The following CHL1 variants were observed in gnomAD, a reference collection of about 807,000 sequenced individuals.
CHL1 encodes the protein cell adhesion molecule L1 like, also known as neural cell adhesion molecule L1-like protein.
CHL1 carries 96 observed loss-of-function variants against 141.9 expected under a neutral mutation model. The ratio of observed to expected loss-of-function variants is 0.68; its 90% confidence interval spans 0.57 to 0.80. The LOEUF (loss-of-function observed/expected upper bound fraction) is 0.80. Among genes scored for constraint, CHL1 ranks in the 30% least tolerant of loss-of-function variants. The pLI, the probability that CHL1 is intolerant of heterozygous loss-of-function variation, is 0.00. For synonymous variants in CHL1, 613 were observed against 502.2 expected, an observed-to-expected ratio of 1.22 and a Z score of -2.95; for missense variants, 1,820 against 1,457.2, an observed-to-expected ratio of 1.25 and a Z score of -4.05.
chr3:359,255 TG>T (rs1703991576), intron 11 of CHL1, among the ~76,000 whole-genome samples: 1 of 151,944 alleles, frequency 6.6e-6, no homozygotes, highest in Non-Finnish European at 1.5e-5. Context: ...GTAGAGTTTT[TG>T]GTCCTTAAAT....
chr3:224,901 T>C (rs943029754), intron 1 of CHL1, among the ~76,000 whole-genome samples: 2 of 151,076 alleles, frequency 1.3e-5, no homozygotes, highest in African/African-American at 2.4e-5. Flanking sequence ...CTCAGGAGGC[T>C]GAGGCGTGCA....
intron 3 of CHL1, among the ~76,000 whole-genome samples, chr3:322,653 T>TATATATAATTATATATATATATAAA (rs1700678639): frequency 1.9e-5 from 2 of 104,572 alleles, no homozygotes; most frequent in African/African-American, 4.2e-5. Flanking sequence ...AAAATATATA[T>TATATATAATTATATATATATATAAA]ATATATATAT....
At chr3:198,722 G>A (rs546297721) in intron 1 of CHL1, among the ~76,000 whole-genome samples, 1 of 152,176 alleles carries the variant, frequency 6.6e-6, no homozygotes, top group East Asian at 1.9e-4. Context: ...TTAATCCTCA[G>A]TTTAATTACA....
At position 228,232 on chromosome 3, in the gene CHL1, G is replaced by T. The variant is rs138653491; in HGVS notation, c.-174-16381G>T. On this transcript the variant is annotated intron_variant, in intron 1 of 27. Coordinates refer to ENST00000256509, the MANE Select transcript of CHL1 (RefSeq NM_006614.4). ...CAATTAAGTGTGCAATGAAAACACA[G>T]GGGAATGTTTGAAGAATCTTTTATC... Among the ~76,000 whole-genome samples the T allele has an allele frequency of 7.2e-5, 11 of 152,282 alleles. No individual in the cohort carries two copies. The East Asian group carries it at 2.1e-3, about 29-fold the overall frequency.
Position 389,488 on chromosome 3 carries a change from C to G in CHL1, c.2470+14C>G. On this transcript the variant is annotated intron_variant, in intron 20 of 27. Coordinates refer to ENST00000256509, the MANE Select transcript of CHL1 (RefSeq NM_006614.4). The stretch of plus-strand genomic sequence containing the variant: ...CTGGAGAAGACTGTAAGTGATGCAC[C>G]TAAAACTGCTAAGCACGTCAGTAAC... 2 of 1,583,484 alleles carry G rather than the reference C, an allele frequency of 1.3e-6. No individual in the cohort carries two copies. Among genetic ancestry groups the G allele is most frequent in the South Asian group, 1.1e-5 (1 of 90,420 alleles).
intron 1 of CHL1, among the ~76,000 whole-genome samples, chr3:236,374 C>T (rs1399473786): frequency 6.6e-6 from 1 of 152,148 alleles, no homozygotes; most frequent in African/African-American, 2.4e-5. Context: ...CTGATATCAT[C>T]AATCAGCCCC....
intron 1 of CHL1, among the ~76,000 whole-genome samples, chr3:199,650 A>G (rs1575587265): frequency 6.6e-6 from 1 of 152,242 alleles, no homozygotes; most frequent in Non-Finnish European, 1.5e-5. Flanking sequence ...GGTGAACTTG[A>G]GGCAAGTAAA....
At chr3:368,012 A>G (rs1705127286) in intron 15 of CHL1, among the ~76,000 whole-genome samples, 1 of 152,064 alleles carries the variant, frequency 6.6e-6, no homozygotes, top group Non-Finnish European at 1.5e-5. Context: ...GGGCCTTGGT[A>G]TCGGTTTCAT....
intron 1 of CHL1, among the ~76,000 whole-genome samples, chr3:218,263 T>C (rs949178549): frequency 6.6e-6 from 1 of 152,218 alleles, no homozygotes; most frequent in Non-Finnish European, 1.5e-5. Flanking sequence ...CTGAATACTT[T>C]CTGCACTGAC....
intron 10 of CHL1, among the ~76,000 whole-genome samples, chr3:353,984 T>G (rs901039198): frequency 6.6e-6 from 1 of 152,316 alleles, no homozygotes; most frequent in Admixed American, 6.5e-5. Flanking sequence ...TGTAGTATTG[T>G]TACACTGGAG....
At chr3:234,063 A>T (rs1691680746) in intron 1 of CHL1, among the ~76,000 whole-genome samples, 1 of 152,118 alleles carries the variant, frequency 6.6e-6, no homozygotes, top group East Asian at 1.9e-4. Flanking sequence ...ATTCATACAC[A>T]TATCTGTATG....
intron 11 of CHL1, among the ~76,000 whole-genome samples, chr3:358,129 C>T (rs1053678932): frequency 6.6e-6 from 1 of 152,180 alleles, no homozygotes; most frequent in South Asian, 2.1e-4. Flanking sequence ...CACTATTTTA[C>T]ATTTCTGTAA....
At chr3:293,978 T>C (rs1045097248) in intron 2 of CHL1, among the ~76,000 whole-genome samples, 9 of 151,948 alleles carry the variant, frequency 5.9e-5, no homozygotes, top group African/African-American at 2.2e-4. Flanking sequence ...GCCAGGTTAA[T>C]CTCAAACTCC....
At position 249,089 on chromosome 3, in the gene CHL1, A is replaced by T. The variant is rs183313068; in HGVS notation, c.-95+4397A>T. On this transcript the variant is annotated intron_variant, in intron 2 of 27. Coordinates refer to ENST00000256509, the MANE Select transcript of CHL1 (RefSeq NM_006614.4). Reference sequence around the variant, plus strand: ...CACAAATCACAGACATCTCTTCTAAACAGTGGATTTTATTGGACTGCACAC... The same window carrying T: ...CACAAATCACAGACATCTCTTCTAATCAGTGGATTTTATTGGACTGCACAC... Among the ~76,000 whole-genome samples the T allele has an allele frequency of 1.5e-3, 229 of 152,308 alleles. 2 individuals carry two copies. The highest frequency in any genetic ancestry group is 5.3e-3 in the African/African-American group (221 of 41,586).
intron 2 of CHL1, among the ~76,000 whole-genome samples, chr3:293,133 A>G (rs994835204): frequency 9.9e-5 from 15 of 152,228 alleles, no homozygotes; most frequent in Non-Finnish European, 2.1e-4. Context: ...TAGTTTATAA[A>G]AATCAAGTCT....
chr3:345,383 G>C (rs1176345931), intron 9 of CHL1, among the ~76,000 whole-genome samples: 2 of 152,128 alleles, frequency 1.3e-5, no homozygotes, highest in African/African-American at 4.8e-5. Flanking sequence ...TGTAATTTAA[G>C]AGAGTTTTAC....
At position 344,567 on chromosome 3, in the gene CHL1, ACTTTT is replaced by A. The variant is rs770017993; in HGVS notation, c.728-14_728-10del. 13 of 1,584,520 alleles carry A rather than the reference ACTTTT, an allele frequency of 8.2e-6. No homozygotes were observed. The highest frequency in any genetic ancestry group is 1.9e-5 in the Admixed American group (1 of 53,626). The stretch of plus-strand genomic sequence containing the variant: ...TGTATATTAATTTGAAAAAATTCTG[ACTTTT>A]CTTTTCTATTTTGTAGCAAATTCCA... On this transcript the variant is annotated splice_polypyrimidine_tract_variant and intron_variant, in intron 8 of 27. Transcript: ENST00000256509.
At chr3:320,778 A>G (rs1206542376) in intron 3 of CHL1, among the ~76,000 whole-genome samples, 2 of 152,126 alleles carry the variant, frequency 1.3e-5, no homozygotes, top group African/African-American at 4.8e-5. Context: ...TAGATCTTGC[A>G]GATTTTTCTT....
chr3:343,238 T>A (rs757134068), intron 8 of CHL1, among the ~76,000 whole-genome samples: 3 of 152,148 alleles, frequency 2.0e-5, no homozygotes, highest in Admixed American at 6.5e-5. Flanking sequence ...TGTATAAATA[T>A]AATGAAATAC....
Sources: gnomAD v4.1 joint callset for allele counts (sites outside exome capture counted in the v4.1 genomes callset) on GRCh38, gnomAD v4.1.1 for gene constraint, MANE v1.5 for transcripts, NCBI Gene and HGNC (gene_info 2026-07-23, HGNC 2026-07-21) for gene names.